Variants in WDR44 observed in about 807,000 individuals in gnomAD.
WDR44 encodes WD repeat-containing protein 44.
Under a neutral mutation model 65.7 loss-of-function variants are expected in WDR44, and 9 were observed. The ratio of observed to expected loss-of-function variants is 0.14; its 90% CI spans 0.08 to 0.24. The LOEUF (loss-of-function observed/expected upper bound fraction) is 0.24. WDR44 is among the 10% of genes least tolerant of loss of function. WDR44 has a pLI of 1.00. For missense variants in WDR44, 425 were observed against 670.9 expected (o/e 0.63, Z 4.05); for synonymous variants, 220 against 235.2 (o/e 0.94, Z 0.59).
chrX:118,396,368 T>G (rs1019731741), intron 6 of WDR44, among the ~76,000 whole-genome samples: 17 of 111,988 alleles, frequency 1.5e-4, no homozygotes, highest in Non-Finnish European at 3.0e-4. Flanking sequence ...ATTCACAGCA[T>G]CATCATTCAT....
At chrX:118,447,875 A>AAAATATATATATAT (rs1305596887) in intron 19 of WDR44, among the ~76,000 whole-genome samples, 1 of 54,809 alleles carries the variant, frequency 1.8e-5, no homozygotes, top group African/African-American at 6.5e-5. Context: ...CTCTATCTAA[A>AAAATATATATATAT]ATATATATAT....
chrX:118,385,675 T>C (rs755944966), intron 2 of WDR44, among the ~76,000 whole-genome samples: 1 of 109,111 alleles, frequency 9.2e-6, no homozygotes, highest in East Asian at 2.9e-4. Flanking sequence ...AAAAGAAAAA[T>C]AGGATAATGT....
Position 118,346,427 on chromosome X carries a change from A to C in WDR44, c.-77A>C. 2.2e-6 allele frequency: 2 copies of C among 899,002 alleles called. No homozygotes were observed. Among genetic ancestry groups the C allele is most frequent in the Non-Finnish European group, 3.2e-6 (2 of 616,528 alleles). 74.1% of individuals were successfully genotyped at this position (899,002 alleles called of 1,213,427 possible). On this transcript the variant is annotated 5_prime_UTR_variant, in exon 1 of 20. Transcript: ENST00000254029. ...CACTTCCCCAGTCTCGCCCGGGTGG[A>C]GGTCGACGAGGAGGAGACAAGAGTC...
At chrX:118,404,525 A>G (rs1017988394) in intron 9 of WDR44, 81 bp downstream of exon 9, 4 of 722,179 alleles carry the variant, frequency 5.5e-6, no homozygotes, top group Non-Finnish European at 6.0e-6. Context: ...TGTAAGAAGC[A>G]TTCTATTTAA....
chrX:118,433,823 A>G (rs1174843458), intron 13 of WDR44, among the ~76,000 whole-genome samples: 2 of 112,125 alleles, frequency 1.8e-5, no homozygotes, highest in African/African-American at 6.5e-5. Flanking sequence ...CATCATCACT[A>G]TCTGCCAAGT....
intron 1 of WDR44, among the ~76,000 whole-genome samples, chrX:118,357,730 T>A (rs938108567): frequency 2.7e-5 from 3 of 110,001 alleles, no homozygotes; most frequent in Non-Finnish European, 3.8e-5. Context: ...ATTTTTTTTT[T>A]AAACTTAACC....
At chrX:118,448,781 G>A (rs2057368576) in intron 19 of WDR44, 112 bp from the exon 20 acceptor site, 6 of 415,304 alleles carry the variant, frequency 1.4e-5, no homozygotes, top group Middle Eastern at 5.2e-4. Context: ...TGAAAAGGTG[G>A]GGAGATGATC....
At chrX:118,371,180 T>G (rs2147678340) in intron 1 of WDR44, among the ~76,000 whole-genome samples, 1 of 111,957 alleles carries the variant, frequency 8.9e-6, no homozygotes, top group Admixed American at 9.5e-5. Flanking sequence ...GACATTATGT[T>G]AAGTGAAATA....
rs1384181886 is a variant in WDR44, at chrX:118,449,506, G to A, written c.*519G>A. 9.0e-6 allele frequency: 1 copy of A among 110,988 alleles called. No homozygotes were observed. The highest frequency in any genetic ancestry group is 1.9e-5 in the Non-Finnish European group (1 of 52,877). 9.1% of individuals were successfully genotyped at this position (110,988 alleles called of 1,213,427 possible). On this transcript the variant is annotated 3_prime_UTR_variant, in exon 20 of 20. Coordinates refer to ENST00000254029, the MANE Select transcript of WDR44 (RefSeq NM_019045.5). ...AGTAGGTCAACAACCATATGTAAAT[G>A]GTTTTTATAAATTTCTCAATTTGGG...
At chrX:118,408,459 G>A (rs971711264) in intron 10 of WDR44, among the ~76,000 whole-genome samples, 6 of 109,692 alleles carry the variant, frequency 5.5e-5, no homozygotes, top group African/African-American at 2.0e-4. Flanking sequence ...GTGCAGGGGC[G>A]GGATCTCAGC....
chrX:118,379,216 G>A (rs1367983810), intron 2 of WDR44, among the ~76,000 whole-genome samples: 1 of 110,806 alleles, frequency 9.0e-6, no homozygotes, highest in African/African-American at 3.3e-5. Context: ...GCCATTTTAA[G>A]TATAAGATAT....
At chrX:118,410,654 A>C (rs972339914) in intron 11 of WDR44, among the ~76,000 whole-genome samples, 2 of 112,012 alleles carry the variant, frequency 1.8e-5, no homozygotes, top group Non-Finnish European at 3.8e-5. Flanking sequence ...TGAGGATTTA[A>C]CGGTATTTTG....
intron 1 of WDR44, among the ~76,000 whole-genome samples, chrX:118,375,528 A>C (rs769718494): frequency 9.1e-5 from 10 of 110,000 alleles, no homozygotes; most frequent in Non-Finnish European, 1.5e-4. Context: ...AAAAAAAAAA[A>C]AAAACAAACA....
intron 12 of WDR44, among the ~76,000 whole-genome samples, chrX:118,429,588 CAA>C (rs200067120): frequency 7.3e-5 from 5 of 68,768 alleles, no homozygotes; most frequent in Non-Finnish European, 3.1e-5. Context: ...GACTCAGTCT[CAA>C]AAAAAAAAAA....
At chrX:118,369,211 A>G (rs755495549) in intron 1 of WDR44, among the ~76,000 whole-genome samples, 5 of 110,308 alleles carry the variant, frequency 4.5e-5, no homozygotes, top group Non-Finnish European at 7.6e-5. Flanking sequence ...TCACTCTTTC[A>G]CCCAGGCGGG....
At chrX:118,389,883 T>G (rs184199697) in intron 3 of WDR44, among the ~76,000 whole-genome samples, 1 of 108,326 alleles carries the variant, frequency 9.2e-6, no homozygotes, top group African/African-American at 3.4e-5. Flanking sequence ...AACTGTCTGC[T>G]TTTTATTTAT....
At chrX:118,428,210 C>G (rs1187733112) in intron 12 of WDR44, among the ~76,000 whole-genome samples, 1 of 109,571 alleles carries the variant, frequency 9.1e-6, no homozygotes, top group East Asian at 2.9e-4. Context: ...ATCGCCTGAA[C>G]CCAGGAGGCA....
At chrX:118,369,414 G>T (rs1388202580) in intron 1 of WDR44, among the ~76,000 whole-genome samples, 2 of 104,596 alleles carry the variant, frequency 1.9e-5, no homozygotes, top group South Asian at 8.7e-4. Context: ...CTCGTGATCC[G>T]CCCGCCTCGG....
rs1252500084 is a variant in WDR44 at position 118,432,836 on chromosome X, G to A, written c.1793G>A (p.Arg598Gln). 15 of 1,210,017 alleles carry A rather than the reference G, an allele frequency of 1.2e-5. No homozygotes were observed. Among genetic ancestry groups the A allele is most frequent in the South Asian group, 8.8e-5 (5 of 56,831 alleles). The change falls in exon 13 of 20, where the codon CGG becomes CAG. Residue 598 changes from arginine to glutamine, a missense_variant. Arg to Gln is a conservative substitution (Grantham distance 43, BLOSUM62 1). This residue lies in a region of WDR44 where 45 missense variants were observed against 50.0 expected (regional missense o/e 0.90). Transcript: ENST00000254029. Reference protein sequence around the residue: ...PDDKNAPFRQRPFCKYKGHTA... With the variant: ...PDDKNAPFRQQPFCKYKGHTA... ...GATAAAAACGCACCCTTTCGGCAAC[G>A]GCCATTTTGCAAATATAAAGGACAT...
Sources: allele counts gnomAD v4.1 joint callset (sites outside exome capture counted in the v4.1 genomes callset), GRCh38; gene constraint gnomAD v4.1.1; regional missense constraint gnomAD v4.1.1; transcripts MANE v1.5; gene names NCBI Gene and HGNC (gene_info 2026-07-23, HGNC 2026-07-21).